The following HRNR variants were observed in gnomAD, a reference collection of about 807,000 sequenced individuals.
HRNR encodes filaggrin family member 3.
In HRNR, 7 loss-of-function variants were observed where a neutral mutation model predicts 4.8. The ratio of observed to expected loss-of-function variants is 1.47; its 90% confidence interval spans 0.83 to 2.75. HRNR has a LOEUF of 2.75. Among genes scored for constraint, HRNR ranks in the 30% most tolerant of loss-of-function variants. HRNR has a pLI of 0.00. For synonymous variants in HRNR, 1,023 were observed against 1,242.7 expected (o/e 0.82, Z 3.72); for missense variants, 2,879 against 3,010.4 (o/e 0.96, Z 1.02).
rs372718495 is a variant in HRNR, at chr1:152,223,288, G to T, written c.-25-10C>A. ...TGCAAGTTTGAGTAACCTAAAGGGA[G>T]GAAAAAGAGAGACCAACCCCTTACT... is the stretch of plus-strand genomic sequence containing the variant. On this transcript the variant is annotated splice_polypyrimidine_tract_variant and intron_variant, in intron 1 of 2. Transcript: ENST00000368801. The T allele has an allele frequency of 2.1e-5, 33 of 1,571,130 alleles. No individual in the cohort carries two copies. The highest frequency in any genetic ancestry group is 2.8e-5 in the Non-Finnish European group (32 of 1,153,846).
rs149091528 is a variant in HRNR, at chr1:152,218,701, G to A, written c.2928C>T (p.Ser976=). ...QSSRSEQHGS[S]SGSSSSYGQH... ...GACCATAGCTGGAAGACGAACCTGA[G>A]CTAGATCCATGTTGTTCGCTCCTAG... The change falls in exon 3 of 3, where the codon AGC becomes AGT. Residue 976 remains serine (S), a synonymous_variant. Transcript: ENST00000368801. 1.8e-4 allele frequency: 297 copies of A among 1,613,824 alleles called. 2 individuals are homozygous for A. The highest frequency in any genetic ancestry group is 1.3e-3 in the East Asian group (59 of 44,844).
Position 152,212,937 on chromosome 1 carries a change from TAAAG to T in HRNR, c.*135_*138del. On this transcript the variant is annotated 3_prime_UTR_variant, in exon 3 of 3. Coordinates refer to ENST00000368801, the MANE Select transcript of HRNR (RefSeq NM_001009931.3). ...AGATATATGCTACAGTTTTAGGCTCTAAAGAAAGAGACAGAAATGCATTGATTCA... is the reference window on the plus strand; with the variant it reads ...AGATATATGCTACAGTTTTAGGCTCTAAAGAGACAGAAATGCATTGATTCA... 1.7e-6 allele frequency: 2 copies of T among 1,207,718 alleles called. No homozygotes were observed. The highest frequency in any genetic ancestry group is 2.3e-6 in the Non-Finnish European group (2 of 879,098). 74.8% of individuals were successfully genotyped at this position (1,207,718 alleles called of 1,614,324 possible). A position where few individuals can be genotyped will look rare whatever the true frequency, so the allele number is the denominator to read the frequency against.
In HRNR at chr1:152,219,190, C is replaced by T; in HGVS notation, c.2439G>A (p.Gln813=). 1.2e-6 allele frequency: 2 copies of T among 1,614,028 alleles called. No homozygotes were observed. Among genetic ancestry groups the T allele is most frequent in the Non-Finnish European group, 1.7e-6 (2 of 1,180,016 alleles). The stretch of plus-strand genomic sequence containing the variant: ...ACTCGTGTTGCCCAAAACCAGAAGC[C>T]TGGCCTGAGCCAGACTCATAATGGC... ...SCGHYESGSG[Q]ASGFGQHESG... Residue 813 remains glutamine, a synonymous_variant, in exon 3 of 3, where the codon CAG becomes CAA. Coordinates refer to ENST00000368801, the MANE Select transcript of HRNR (RefSeq NM_001009931.3).
Position 152,218,860 on chromosome 1 carries a change from C to T in HRNR, c.2769G>A (p.Gly923=), listed in dbSNP as rs774578335. The change falls in exon 3 of 3, where the codon GGG becomes GGA. Residue 923 remains glycine (G), a synonymous_variant. Coordinates refer to ENST00000368801, the MANE Select transcript of HRNR (RefSeq NM_001009931.3). Reference sequence around the variant, plus strand: ...AGCCAGAAGACTGGCCTGAGCCAGACCCATGTCGGCCACTGCTGGAAGACC... The same window carrying T: ...AGCCAGAAGACTGGCCTGAGCCAGATCCATGTCGGCCACTGCTGGAAGACC... ...SGRSSSSGRH[G]SGSGQSSGFG... 9.3e-6 allele frequency: 15 copies of T among 1,613,766 alleles called. No homozygotes were observed. Among genetic ancestry groups the T allele is most frequent in the Non-Finnish European group, 1.2e-5 (14 of 1,179,986 alleles).
chr1:152,221,503 A>G lies in HRNR; in HGVS notation c.139-13T>C. ...GATCGTTTGGATTCTGTATAAGAGA[A>G]AGGTACAAAGAGTAGCTCTGTTAGT... On this transcript the variant is annotated splice_polypyrimidine_tract_variant and intron_variant, in intron 2 of 2. Coordinates refer to ENST00000368801, the MANE Select transcript of HRNR (RefSeq NM_001009931.3). 2 of 1,560,176 alleles carry G rather than the reference A, an allele frequency of 1.3e-6. No individual in the cohort carries two copies. Among genetic ancestry groups the G allele is most frequent in the South Asian group, 2.4e-5 (2 of 82,536 alleles).
rs775768686 is a variant in HRNR at position 152,218,594 on chromosome 1, C to T, written c.3035G>A (p.Gly1012Asp). 3.7e-6 allele frequency: 6 copies of T among 1,613,710 alleles called. No individual in the cohort carries two copies. Among genetic ancestry groups the T allele is most frequent in the South Asian group, 3.3e-5 (3 of 91,040 alleles). The stretch of plus-strand genomic sequence containing the variant: ...CTGCCCGGAACCAGACCCATGTCGG[C>T]CACGGCTAGGGCTAGGAGACTGGCC... ...GSGQSPSPSR[G>D]RHGSGSGQSS... is the part of the protein sequence containing the mutation. Residue 1012 changes from glycine to aspartate, a missense_variant, in exon 3 of 3, where the codon GGC becomes GAC. Physicochemically the swap from Gly to Asp is moderately conservative, Grantham distance 94 (BLOSUM62 -1). Transcript: ENST00000368801.
At chr1:152,222,874 TTAGA>T (rs974335552) in intron 2 of HRNR, among the ~76,000 whole-genome samples, 1 of 152,204 alleles carries the variant, frequency 6.6e-6, no homozygotes, top group East Asian at 1.9e-4. Context: ...AATTAGTCAC[TTAGA>T]TAGGACATTA....
At chr1:152,222,793 G>A (rs1010989395) in intron 2 of HRNR, among the ~76,000 whole-genome samples, 2 of 152,156 alleles carry the variant, frequency 1.3e-5, no homozygotes, top group Non-Finnish European at 2.9e-5. Flanking sequence ...TGTGATTCAG[G>A]AGTAAATGCC....
chr1:152,221,296 T>G lies in HRNR; in HGVS notation c.333A>C (p.Glu111Asp). 6.2e-7 allele frequency: 1 copy of G among 1,614,010 alleles called. No homozygotes were observed. Among genetic ancestry groups the G allele is most frequent in the Non-Finnish European group, 8.5e-7 (1 of 1,180,014 alleles). The change falls in exon 3 of 3, where the codon GAA becomes GAC. Residue 111 changes from glutamate (E) to aspartate (D), a missense_variant. Coordinates refer to ENST00000368801, the MANE Select transcript of HRNR (RefSeq NM_001009931.3). ...LRDDTHQHQE[E>D]QEETEKEENK... is the part of the protein sequence containing the mutation. ...TCTCCTCTTTTTCAGTTTCTTCTTG[T>G]TCCTCTTGGTGCTGGTGAGTGTCAT...
At position 152,212,877 on chromosome 1, in the gene HRNR, A is replaced by T; in HGVS notation, c.*199T>A. On this transcript the variant is annotated 3_prime_UTR_variant, in exon 3 of 3. Coordinates refer to ENST00000368801, the MANE Select transcript of HRNR (RefSeq NM_001009931.3). Reference sequence around the variant, plus strand: ...CAGTATTTTCTAACAAAGTAGCACAAATGCCTAACAGTCTTTGGAAGGAAC... The same window carrying T: ...CAGTATTTTCTAACAAAGTAGCACATATGCCTAACAGTCTTTGGAAGGAAC... 1 of 687,018 alleles carries T rather than the reference A, an allele frequency of 1.5e-6. No individual in the cohort carries two copies. Among genetic ancestry groups the T allele is most frequent in the Non-Finnish European group, 2.4e-6 (1 of 420,632 alleles). 42.6% of individuals were successfully genotyped at this position (687,018 alleles called of 1,614,324 possible). A position where few individuals can be genotyped will look rare whatever the true frequency, so the allele number is the denominator to read the frequency against.
chr1:152,223,184 C>G lies in HRNR; in HGVS notation c.70G>C (p.Glu24Gln). The change falls in exon 2 of 3, where the codon GAG becomes CAG. Residue 24 changes from glutamate (E) to glutamine (Q), a missense_variant. By Grantham distance (29) the Glu-to-Gln change is conservative. This residue lies in a region of HRNR where 2,646 missense variants were observed against 1,377.7 expected (regional missense o/e 1.92). Coordinates refer to ENST00000368801, the MANE Select transcript of HRNR (RefSeq NM_001009931.3). ...VFYQYATQHG[E>Q]YDTLNKAELK... ...TCTGCCTTGTTCAACGTATCATACT[C>G]CCCATGCTGGGTGGCATATTGGTAG... 3.1e-6 allele frequency: 5 copies of G among 1,613,638 alleles called. No individual in the cohort carries two copies. Among genetic ancestry groups the G allele is most frequent in the Non-Finnish European group, 4.2e-6 (5 of 1,179,624 alleles).
At position 152,221,256 on chromosome 1, in the gene HRNR, A is replaced by G. The variant is rs1346306447; in HGVS notation, c.373T>C (p.Ser125Pro). 1.2e-6 allele frequency: 2 copies of G among 1,613,948 alleles called. No homozygotes were observed. Among genetic ancestry groups the G allele is most frequent in the Non-Finnish European group, 1.7e-6 (2 of 1,180,042 alleles). ...CTCCAACTTGAATGACTAAAAGAGGATTCTTGCCGTTTGTTCTCCTCTTTT... is the reference window on the plus strand; with the variant it reads ...CTCCAACTTGAATGACTAAAAGAGGGTTCTTGCCGTTTGTTCTCCTCTTTT... ...TEKEENKRQESSFSHSSWSAG... is the reference protein window; with the variant it reads ...TEKEENKRQEPSFSHSSWSAG... Residue 125 changes from serine (S) to proline (P), a missense_variant, in exon 3 of 3, where the codon TCC becomes CCC. By Grantham distance (74) the Ser-to-Pro change is moderately conservative (BLOSUM62 -1). Coordinates refer to ENST00000368801, the MANE Select transcript of HRNR (RefSeq NM_001009931.3).
At chr1:152,222,264 A>G (rs1004881250) in intron 2 of HRNR, among the ~76,000 whole-genome samples, 1 of 152,234 alleles carries the variant, frequency 6.6e-6, no homozygotes, top group Non-Finnish European at 1.5e-5. Flanking sequence ...TGAAGAGTCA[A>G]GAAATGTGGA....
At chr1:152,223,927 T>A (rs1438616541) in intron 1 of HRNR, among the ~76,000 whole-genome samples, 3 of 152,188 alleles carry the variant, frequency 2.0e-5, no homozygotes, top group Non-Finnish European at 4.4e-5. Context: ...GATATCCATG[T>A]TATAAGGGAA....
rs1271733837 is a variant in HRNR at position 152,219,524 on chromosome 1, C to T, written c.2105G>A (p.Gly702Asp). The change falls in exon 3 of 3, where the codon GGT becomes GAT. Residue 702 changes from glycine (G) to aspartate (D), a missense_variant. Physicochemically the swap from Gly to Asp is moderately conservative, Grantham distance 94. This residue lies in a region of HRNR where 2,646 missense variants were observed against 1,377.7 expected (regional missense o/e 1.92). Coordinates refer to ENST00000368801, the MANE Select transcript of HRNR (RefSeq NM_001009931.3). ...GSVSGQSSGF[G>D]HKSGSGQSSG... ...GGACTGCCCTGAGCCAGACTTGTGA[C>T]CAAAGCCGGAAGACTGGCCTGAGAC... 3 of 1,613,720 alleles carry T rather than the reference C, an allele frequency of 1.9e-6. No individual in the cohort carries two copies. The highest frequency in any genetic ancestry group is 1.7e-4 in the Middle Eastern group (1 of 6,060).
In HRNR at chr1:152,223,117, T is replaced by G. The variant is rs1486929006; in HGVS notation, c.137A>C (p.Lys46Thr). Residue 46 changes from lysine (K) to threonine (T), a missense_variant and splice_region_variant, in exon 2 of 3, where the codon AAG (lysine) becomes ACG (threonine). Lys to Thr is a moderately conservative substitution (Grantham distance 78). Coordinates refer to ENST00000368801, the MANE Select transcript of HRNR (RefSeq NM_001009931.3). Reference protein sequence around the residue: ...LLENEFHQILKNPNDPDTVDI... With the variant: ...LLENEFHQILTNPNDPDTVDI... ...TCCATCCTGGCGTGGAGTTCTTACC[T>G]TCAGAATTTGATGAAACTCATTTTC... 6 of 1,613,504 alleles carry G rather than the reference T, an allele frequency of 3.7e-6. No homozygotes were observed. Among genetic ancestry groups the G allele is most frequent in the Non-Finnish European group, 5.1e-6 (6 of 1,179,758 alleles).
rs749683897 is a variant in HRNR at position 152,219,021 on chromosome 1, G to A, written c.2608C>T (p.His870Tyr). 8.7e-6 allele frequency: 14 copies of A among 1,613,918 alleles called. No homozygotes were observed. The East Asian group carries it at 2.9e-4, about 33-fold the overall frequency. The change falls in exon 3 of 3, where the codon CAT becomes TAT. Residue 870 changes from histidine to tyrosine, a missense_variant. Physicochemically the swap from His to Tyr is moderately conservative, Grantham distance 83. Coordinates refer to ENST00000368801, the MANE Select transcript of HRNR (RefSeq NM_001009931.3). ...GAAGCGTGATGGGAGGCAGACTCAT[G>A]CTGACCATAGCTGGAAGATTGACCT... Reference protein sequence around the residue: ...SSGQSSSYGQHESASHHASGR... With the variant: ...SSGQSSSYGQYESASHHASGR...
Position 152,221,095 on chromosome 1 carries a change from G to A in HRNR, c.534C>T (p.Ser178=). 1 of 1,614,164 alleles carries A rather than the reference G, an allele frequency of 6.2e-7. No individual in the cohort carries two copies. Among genetic ancestry groups the A allele is most frequent in the Non-Finnish European group, 8.5e-7 (1 of 1,180,006 alleles). ...QHNSYSGQSS[S]YGEQNSDSHQ... ...GGGAGTCGGAGTTTTGCTCACCATA[G>A]CTGGAAGACTGACCTGAGTAGGAGT... The change falls in exon 3 of 3, where the codon AGC becomes AGT. Residue 178 remains serine, a synonymous_variant. Coordinates refer to ENST00000368801, the MANE Select transcript of HRNR (RefSeq NM_001009931.3).
rs1005936094 is a variant in HRNR, at chr1:152,218,521, G to A, written c.3108C>T (p.Ser1036=). The stretch of plus-strand genomic sequence containing the variant: ...CGGAGCCAGACTCATATGGGCCACG[G>A]CTTGAAGACCACCCTGAGCCAGACC... ...PYRSGSGWSS[S]RGPYESGSGH... is the part of the protein sequence containing the mutation. Residue 1036 remains serine, a synonymous_variant, in exon 3 of 3, where the codon AGC becomes AGT. Coordinates refer to ENST00000368801, the MANE Select transcript of HRNR (RefSeq NM_001009931.3). 6.2e-7 allele frequency: 1 copy of A among 1,613,852 alleles called. No individual in the cohort carries two copies.
Sources: gnomAD v4.1 joint callset for allele counts (sites outside exome capture counted in the v4.1 genomes callset) on GRCh38, gnomAD v4.1.1 for gene constraint, gnomAD v4.1.1 regional missense constraint, MANE v1.5 for transcripts, NCBI Gene and HGNC (gene_info 2026-07-23, HGNC 2026-07-21) for gene names.